Variants in TTC7B observed in about 807,000 individuals in gnomAD.
The protein encoded by TTC7B is tetratricopeptide repeat domain 7B, also known as tetratricopeptide repeat protein 7B.
TTC7B carries 28 observed loss-of-function variants against 106.8 expected under a neutral mutation model. The observed-to-expected ratio is 0.26, with a 90% confidence interval of 0.19 to 0.36. The LOEUF (loss-of-function observed/expected upper bound fraction) is 0.36. Ranked by LOEUF, TTC7B falls within the 10% of genes least tolerant of loss-of-function variation. The pLI is 1.00. For synonymous variants in TTC7B, 405 were observed against 430.6 expected (o/e 0.94, Z 0.74); for missense variants, 862 against 1,076.4 (o/e 0.80, Z 2.79).
At position 90,578,220 on chromosome 14, in the gene TTC7B, G is replaced by A. The variant is rs774664542; in HGVS notation, c.2196C>T (p.Val732=). ...AANLFPMSHN[V]LYMRGQIAEL... is the part of the protein sequence containing the mutation. ...CAGCAATCTGGCCGCGCATGTAGAG[G>A]ACATTGTGGGACATTGGGAAGAGGT... Residue 732 remains valine (V), a synonymous_variant, in exon 19 of 20, where the codon GTC becomes GTT. Coordinates refer to ENST00000328459, the MANE Select transcript of TTC7B (RefSeq NM_001010854.2). The surrounding 1 kb of genome is among the most constrained non-coding windows in gnomAD (Gnocchi z 4.7). The A allele has an allele frequency of 8.7e-6, 14 of 1,614,240 alleles. No individual in the cohort carries two copies. Among genetic ancestry groups the A allele is most frequent in the South Asian group, 1.1e-5 (1 of 91,078 alleles).
chr14:90,651,567 G>C (rs1016218227), intron 13 of TTC7B, among the ~76,000 whole-genome samples: 5 of 152,152 alleles, frequency 3.3e-5, no homozygotes, highest in Non-Finnish European at 1.5e-5. Flanking sequence ...TCCATGTGTG[G>C]GTTTTACAAA....
chr14:90,781,680 T>C (rs1891224256), intron 2 of TTC7B, among the ~76,000 whole-genome samples: 1 of 152,194 alleles, frequency 6.6e-6, no homozygotes, highest in Non-Finnish European at 1.5e-5. Flanking sequence ...CCTTCCCAAA[T>C]GGATGTGAAG....
At chr14:90,763,414 C>A (rs1312129614) in intron 3 of TTC7B, among the ~76,000 whole-genome samples, 1 of 152,178 alleles carries the variant, frequency 6.6e-6, no homozygotes, top group Non-Finnish European at 1.5e-5. Context: ...CCACTGCTAA[C>A]ATCTTAGTGG....
intron 5 of TTC7B, chr14:90,697,498 C>T (rs1887802427): frequency 6.6e-6 from 1 of 152,124 alleles, no homozygotes; most frequent in South Asian, 2.1e-4. Flanking sequence ...AAATATGAAT[C>T]CAAGAGTTCA....
At chr14:90,664,436 A>AT (rs1163012154) in intron 9 of TTC7B, among the ~76,000 whole-genome samples, 1 of 151,696 alleles carries the variant, frequency 6.6e-6, no homozygotes, top group Non-Finnish European at 1.5e-5. Flanking sequence ...GGCCCAGCTA[A>AT]TTTTTTGTAT....
At chr14:90,670,590 A>C (rs1021980154) in intron 9 of TTC7B, among the ~76,000 whole-genome samples, 3 of 152,324 alleles carry the variant, frequency 2.0e-5, no homozygotes, top group Middle Eastern at 6.8e-3. Flanking sequence ...TGCTACCCTA[A>C]GAGTTTAAAC....
intron 17 of TTC7B, among the ~76,000 whole-genome samples, chr14:90,604,818 G>A (rs1443546878): frequency 2.6e-5 from 4 of 152,142 alleles, no homozygotes; most frequent in Non-Finnish European, 4.4e-5. Context: ...TGCTGTTCAT[G>A]GACAGGTTCT....
intron 7 of TTC7B, among the ~76,000 whole-genome samples, chr14:90,683,578 A>C (rs1427638773): frequency 6.6e-6 from 1 of 152,240 alleles, no homozygotes; most frequent in African/African-American, 2.4e-5. Context: ...TGTAAGGACT[A>C]TCGAGGCCTC....
rs1214728246 is a variant in TTC7B, at chr14:90,529,268, G to A, written c.*12100C>T. ...GGGCACCGTCTGGCAAGGTGAGCTT[G>A]TCAGGGAGAGGCCGTAGCCCTCACC... On this transcript the variant is annotated 3_prime_UTR_variant, in exon 20 of 20. Coordinates refer to ENST00000328459, the MANE Select transcript of TTC7B (RefSeq NM_001010854.2). 6.5e-6 allele frequency: 1 copy of A among 152,814 alleles called. No homozygotes were observed. Among genetic ancestry groups the A allele is most frequent in the Non-Finnish European group, 1.5e-5 (1 of 68,464 alleles). 9.5% of individuals were successfully genotyped at this position (152,814 alleles called of 1,614,324 possible). A position where few individuals can be genotyped will look rare whatever the true frequency, so the allele number is the denominator to read the frequency against.
rs1026113771 is a variant in TTC7B, at chr14:90,808,438, A to G, written c.121+7737T>C. ...GTGTACAAGGTGGCTTGGAGGGCAA[A>G]TGCAGAAGATTCTGACTCCAGGCCT... On this transcript the variant is annotated intron_variant, in intron 1 of 19. Coordinates refer to ENST00000328459, the MANE Select transcript of TTC7B (RefSeq NM_001010854.2). This position sits in a 1 kb window ranked among gnomAD's most constrained non-coding sequence, Gnocchi z 4.2. Among the ~76,000 whole-genome samples the G allele has an allele frequency of 1.3e-5, 2 of 152,210 alleles. No individual in the cohort carries two copies. The highest frequency in any genetic ancestry group is 2.9e-5 in the Non-Finnish European group (2 of 68,032).
Position 90,737,678 on chromosome 14 carries a change from C to T in TTC7B, c.576+7114G>A, listed in dbSNP as rs571819144. 7.6e-4 allele frequency among the ~76,000 whole-genome samples: 116 copies of T among 151,872 alleles called. 1 individual carries two copies. The highest frequency in any genetic ancestry group is 2.7e-3 in the African/African-American group (113 of 41,408). ...AGCAATTTTCCTGCCTCAGCCTCAG[C>T]CTCCCAAGTAGCTGGGACTGCAGGT... is the stretch of plus-strand genomic sequence containing the variant. On this transcript the variant is annotated intron_variant, in intron 4 of 19. Transcript: ENST00000328459.
In TTC7B at chr14:90,541,030, G is replaced by A; in HGVS notation, c.*338C>T. 3.7e-6 allele frequency: 1 copy of A among 267,114 alleles called. No homozygotes were observed. The highest frequency in any genetic ancestry group is 6.8e-5 in the East Asian group (1 of 14,648). The allele number at this position is 267,114 out of a possible 1,614,324, so 16.5% of individuals were successfully genotyped here. ...GATAAAAATAATCTGTGCTGCCACT[G>A]AATTTTAACTTTGAATATATTCTTC... On this transcript the variant is annotated 3_prime_UTR_variant, in exon 20 of 20. Coordinates refer to ENST00000328459, the MANE Select transcript of TTC7B (RefSeq NM_001010854.2).
At chr14:90,711,863 A>G (rs935961046) in intron 5 of TTC7B, among the ~76,000 whole-genome samples, 2 of 152,254 alleles carry the variant, frequency 1.3e-5, no homozygotes, top group African/African-American at 4.8e-5. Flanking sequence ...TAAGACATAC[A>G]GAAACAAAGG....
intron 3 of TTC7B, chr14:90,766,864 G>T: frequency 6.3e-7 from 1 of 1,597,102 alleles, no homozygotes. Flanking sequence ...TGAAGACCTG[G>T]AGCGACTGAA....
chr14:90,632,810 A>G (rs1039398437), intron 15 of TTC7B, among the ~76,000 whole-genome samples: 1 of 152,244 alleles, frequency 6.6e-6, no homozygotes, highest in Non-Finnish European at 1.5e-5. Flanking sequence ...GAAAATAATA[A>G]CAAAACTACC....
chr14:90,611,362 C>A (rs76026749), intron 16 of TTC7B, among the ~76,000 whole-genome samples: 3 of 152,186 alleles, frequency 2.0e-5, no homozygotes, highest in Non-Finnish European at 1.5e-5. Flanking sequence ...CTGGGCTGAT[C>A]GACATTTTTC....
intron 18 of TTC7B, among the ~76,000 whole-genome samples, chr14:90,588,886 T>TAAAAAAAAAAAAAAAAAAAAAAAAAAAA (rs572763059): frequency 2.4e-5 from 2 of 81,718 alleles, no homozygotes; most frequent in African/African-American, 4.8e-5. Context: ...AAACAAAAAC[T>TAAAAAAAAAAAAAAAAAAAAAAAAAAAA]AAAAAAAAAA....
At position 90,802,199 on chromosome 14, in the gene TTC7B, CG is replaced by C. The variant is rs1566896053; in HGVS notation, c.121+13975del. On this transcript the variant is annotated intron_variant, in intron 1 of 19. Coordinates refer to ENST00000328459, the MANE Select transcript of TTC7B (RefSeq NM_001010854.2). This position sits in a 1 kb window ranked among gnomAD's most constrained non-coding sequence, Gnocchi z 4.7. ...CGACGTGAGGCATCTCAGGGGACTG[CG>C]GGGTACAAGCCTAACTCACTGGACT... Among the ~76,000 whole-genome samples the C allele has an allele frequency of 6.6e-6, 1 of 152,144 alleles. No individual in the cohort carries two copies. The highest frequency in any genetic ancestry group is 1.5e-5 in the Non-Finnish European group (1 of 68,030).
At chr14:90,700,987 C>A (rs1047381775) in intron 5 of TTC7B, among the ~76,000 whole-genome samples, 2 of 151,882 alleles carry the variant, frequency 1.3e-5, no homozygotes, top group Admixed American at 1.3e-4. Flanking sequence ...CCAGCTTCCC[C>A]CTCTGTACAT....
Sources: allele counts gnomAD v4.1 joint callset (sites outside exome capture counted in the v4.1 genomes callset), GRCh38; gene constraint gnomAD v4.1.1; non-coding constraint Gnocchi (gnomAD v3.1); transcripts MANE v1.5; gene names NCBI Gene and HGNC (gene_info 2026-07-23, HGNC 2026-07-21).